CNTNAP2: variants seen among roughly 807,000 people sequenced by gnomAD.
The protein encoded by CNTNAP2 is contactin-associated protein-like 2.
Under a neutral mutation model 155.2 loss-of-function variants are expected in CNTNAP2, and 98 were observed. That is an observed-to-expected ratio of 0.63 (90% CI 0.54 to 0.75). The LOEUF is 0.75. Among genes scored for constraint, CNTNAP2 ranks in the 30% least tolerant of loss-of-function variants. The pLI is 0.00. For synonymous variants in CNTNAP2, 651 were observed against 631.2 expected (o/e 1.03, Z -0.47); for missense variants, 1,727 against 1,688.1 (o/e 1.02, Z -0.40).
chr7:148,007,675 G>A (rs1802004719), intron 15 of CNTNAP2, among the ~76,000 whole-genome samples: 1 of 152,164 alleles, frequency 6.6e-6, no homozygotes, highest in South Asian at 2.1e-4. Context: ...TGTGTCAATA[G>A]TGATTATACT....
intron 8 of CNTNAP2, among the ~76,000 whole-genome samples, chr7:147,171,276 T>A (rs1161574773): frequency 1.3e-5 from 2 of 152,216 alleles, no homozygotes; most frequent in Admixed American, 6.5e-5. Context: ...AGCATCTGCG[T>A]GTTTTCTTCA....
intron 10 of CNTNAP2, among the ~76,000 whole-genome samples, chr7:147,458,711 G>C (rs560656748): frequency 6.6e-6 from 1 of 152,288 alleles, no homozygotes; most frequent in East Asian, 1.9e-4. Context: ...AAAATATGTA[G>C]ATTGAGAAAT....
At chr7:146,146,150 A>G (rs910432049) in intron 1 of CNTNAP2, among the ~76,000 whole-genome samples, 2 of 152,168 alleles carry the variant, frequency 1.3e-5, no homozygotes, top group Non-Finnish European at 2.9e-5. Context: ...GTAGTAATTT[A>G]TTTTTTAAAA....
At chr7:146,539,334 T>C (rs1791918478) in intron 1 of CNTNAP2, among the ~76,000 whole-genome samples, 1 of 151,840 alleles carries the variant, frequency 6.6e-6, no homozygotes, top group South Asian at 2.1e-4. Context: ...ATCAGCAAAA[T>C]TTGCAAGCAT....
At chr7:147,565,182 G>A (rs1562999746) in intron 12 of CNTNAP2, among the ~76,000 whole-genome samples, 1 of 152,150 alleles carries the variant, frequency 6.6e-6, no homozygotes, top group East Asian at 1.9e-4. Flanking sequence ...AAAAGGTGAA[G>A]AAGAGAAATG....
At chr7:146,642,440 A>G (rs1467717274) in intron 1 of CNTNAP2, among the ~76,000 whole-genome samples, 4 of 151,704 alleles carry the variant, frequency 2.6e-5, no homozygotes, top group East Asian at 1.9e-4. Flanking sequence ...TAGTTTACTG[A>G]GAATGATGAT....
At chr7:146,911,061 A>G (rs984705419) in intron 3 of CNTNAP2, among the ~76,000 whole-genome samples, 1 of 152,088 alleles carries the variant, frequency 6.6e-6, no homozygotes, top group Non-Finnish European at 1.5e-5. Context: ...AAAAATGCTC[A>G]TCATCACTGG....
In CNTNAP2 at chr7:146,610,501, A is replaced by G. The variant is rs1215955196; in HGVS notation, c.98-163770A>G. 2.6e-5 allele frequency among the ~76,000 whole-genome samples: 4 copies of G among 152,326 alleles called. No homozygotes were observed. The East Asian group carries it at 7.7e-4, about 29-fold the overall frequency. Reference sequence around the variant, plus strand: ...GAAAATACTAGAGCATAATGTAGGTAGATAATATTAAGGTCAGAATAAAGG... The same window carrying G: ...GAAAATACTAGAGCATAATGTAGGTGGATAATATTAAGGTCAGAATAAAGG... On this transcript the variant is annotated intron_variant, in intron 1 of 23. Coordinates refer to ENST00000361727, the MANE Select transcript of CNTNAP2 (RefSeq NM_014141.6).
At chr7:147,618,511 G>A (rs912335370) in intron 12 of CNTNAP2, among the ~76,000 whole-genome samples, 2 of 151,834 alleles carry the variant, frequency 1.3e-5, no homozygotes, top group Non-Finnish European at 1.5e-5. Flanking sequence ...GCAAATACAG[G>A]TGTATAGGAC....
intron 15 of CNTNAP2, among the ~76,000 whole-genome samples, chr7:147,981,784 CAG>C (rs1345015435): frequency 8.2e-6 from 1 of 122,324 alleles, no homozygotes; most frequent in East Asian, 2.3e-4. Context: ...TATGTCCTTA[CAG>C]GTGTGTGTGT....
intron 3 of CNTNAP2, among the ~76,000 whole-genome samples, chr7:146,879,586 A>G (rs951714868): frequency 7.2e-5 from 11 of 152,038 alleles, no homozygotes; most frequent in Non-Finnish European, 1.2e-4. Flanking sequence ...CCATGAAGTC[A>G]GTACTCTCAC....
chr7:147,419,531 T>C (rs1226631244), intron 10 of CNTNAP2, among the ~76,000 whole-genome samples: 1 of 152,202 alleles, frequency 6.6e-6, no homozygotes, highest in Non-Finnish European at 1.5e-5. Context: ...ATAATTTCAT[T>C]TATAAATTGC....
In CNTNAP2 at chr7:146,912,777, G is replaced by T. The variant is rs1037763037; in HGVS notation, c.402+72873G>T. 1.9e-4 allele frequency among the ~76,000 whole-genome samples: 29 copies of T among 152,248 alleles called. No homozygotes were observed. In the South Asian group the frequency reaches 5.6e-3, roughly 29 times the overall value. ...GTACTATTTATTTGACTGCGGGAAT[G>T]AAAATAACATTGTTGAGTATCTGCC... is the stretch of plus-strand genomic sequence containing the variant. On this transcript the variant is annotated intron_variant, in intron 3 of 23. Transcript: ENST00000361727.
intron 1 of CNTNAP2, among the ~76,000 whole-genome samples, chr7:146,318,511 C>A (rs1420869117): frequency 6.6e-6 from 1 of 151,988 alleles, no homozygotes; most frequent in Non-Finnish European, 1.5e-5. Flanking sequence ...TCACTTTTTC[C>A]TGTGAAATAA....
chr7:147,480,812 C>T (rs1391504797), intron 10 of CNTNAP2, among the ~76,000 whole-genome samples: 1 of 152,182 alleles, frequency 6.6e-6, no homozygotes, highest in Non-Finnish European at 1.5e-5. Context: ...CCTTGCTATT[C>T]CAACCGTGGT....
chr7:147,264,810 C>T (rs1462601364), intron 8 of CNTNAP2, among the ~76,000 whole-genome samples: 1 of 151,988 alleles, frequency 6.6e-6, no homozygotes, highest in African/African-American at 2.4e-5. Flanking sequence ...CAGTGTTCCC[C>T]TGCTTAATTT....
chr7:147,859,440 AC>A (rs1488649044), intron 13 of CNTNAP2, among the ~76,000 whole-genome samples: 13 of 125,056 alleles, frequency 1.0e-4, no homozygotes, highest in East Asian at 2.1e-4. Context: ...AAAAAAAAAA[AC>A]ATGTCATATT....
chr7:148,395,738 C>T (rs1799452607), intron 22 of CNTNAP2, among the ~76,000 whole-genome samples: 1 of 152,160 alleles, frequency 6.6e-6, no homozygotes, highest in Non-Finnish European at 1.5e-5. Context: ...CTCCACAGGC[C>T]TGGCCGTGTC....
intron 2 of CNTNAP2, among the ~76,000 whole-genome samples, chr7:146,835,174 G>C (rs960689777): frequency 5.3e-4 from 80 of 152,202 alleles, no homozygotes; most frequent in African/African-American, 1.9e-3. Flanking sequence ...TTAAGCAGCT[G>C]TATGTTAGTT....
Sources: allele counts gnomAD v4.1 joint callset (sites outside exome capture counted in the v4.1 genomes callset), GRCh38; gene constraint gnomAD v4.1.1; transcripts MANE v1.5; gene names NCBI Gene and HGNC (gene_info 2026-07-23, HGNC 2026-07-21).